FHIP2A: variants seen among roughly 807,000 people sequenced by gnomAD.
FHIP2A encodes FHF complex subunit HOOK interacting protein 2A, also known as family with sequence similarity 160 member B1.
FHIP2A carries 46 observed loss-of-function variants against 93.5 expected under a neutral mutation model. That is an observed-to-expected ratio of 0.49 (90% CI 0.39 to 0.63). The LOEUF (loss-of-function observed/expected upper bound fraction) is 0.63. Ranked by LOEUF, FHIP2A falls within the 20% of genes least tolerant of loss-of-function variation. The pLI, the probability that FHIP2A is intolerant of heterozygous loss-of-function variation, is 0.00. For synonymous variants in FHIP2A, 332 were observed against 326.5 expected, an observed-to-expected ratio of 1.02 and a Z score of -0.18; for missense variants, 769 against 909.7, an observed-to-expected ratio of 0.85 and a Z score of 1.99.
At chr10:114,833,562 A>C (rs1402899061) in intron 3 of FHIP2A, 160 bp downstream of exon 3, 3 of 636,596 alleles carry the variant, frequency 4.7e-6, no homozygotes, top group African/African-American at 1.9e-5. Context: ...GCCTATACAA[A>C]TATGTCCATA....
At chr10:114,878,771 G>A (rs1250632535) in intron 16 of FHIP2A, among the ~76,000 whole-genome samples, 1 of 88,452 alleles carries the variant, frequency 1.1e-5, no homozygotes, top group Non-Finnish European at 2.7e-5. Context: ...CAGAGACTTC[G>A]CCTCAAAAAA....
intron 16 of FHIP2A, among the ~76,000 whole-genome samples, chr10:114,870,382 A>AATATAT (rs34935019): frequency 6.7e-6 from 1 of 150,310 alleles, no homozygotes; most frequent in Non-Finnish European, 1.5e-5. Context: ...TTTTAAATAA[A>AATATAT]ATATATATAT....
At chr10:114,899,378 T>C in intron 16 of FHIP2A, 1 of 673,658 alleles carries the variant, frequency 1.5e-6, no homozygotes, top group Non-Finnish European at 2.7e-6. Flanking sequence ...GTTTACATAG[T>C]TGAAAGTCCA....
chr10:114,836,544 T>TA (rs1240114297), intron 5 of FHIP2A, among the ~76,000 whole-genome samples: 3 of 152,236 alleles, frequency 2.0e-5, no homozygotes, highest in Non-Finnish European at 4.4e-5. Context: ...CAGAAGTTGA[T>TA]ATGCTATCAT....
At chr10:114,826,092 ATTC>A (rs1358384887) in intron 1 of FHIP2A, among the ~76,000 whole-genome samples, 1 of 152,206 alleles carries the variant, frequency 6.6e-6, no homozygotes, top group African/African-American at 2.4e-5. Flanking sequence ...TCTCAGGCAT[ATTC>A]TTTTCCAACA....
At chr10:114,869,485 G>A (rs2083846495), downstream of FHIP2A, among the ~76,000 whole-genome samples, 1 of 152,070 alleles carries the variant, frequency 6.6e-6, no homozygotes, top group Non-Finnish European at 1.5e-5. Context: ...TTAGAAAATA[G>A]ACCATCATTT....
intron 13 of FHIP2A, among the ~76,000 whole-genome samples, chr10:114,849,675 A>T (rs958002002): frequency 1.3e-5 from 2 of 152,214 alleles, no homozygotes; most frequent in Non-Finnish European, 2.9e-5. Context: ...GTATATTCAC[A>T]ATGTTATGCA....
chr10:114,829,532 A>G (rs1414906621), intron 1 of FHIP2A, among the ~76,000 whole-genome samples: 2 of 152,232 alleles, frequency 1.3e-5, no homozygotes, highest in Admixed American at 6.5e-5. Flanking sequence ...TTTTGTGACC[A>G]TCTTGGTTTT....
chr10:114,855,220 C>T lies in FHIP2A; in HGVS notation c.1827C>T (p.Cys609=), dbSNP rs530076998. The T allele has an allele frequency of 1.2e-5, 20 of 1,613,906 alleles. No individual in the cohort carries two copies. The Admixed American group carries it at 2.0e-4, about 16-fold the overall frequency. Residue 609 remains cysteine (C), a synonymous_variant, in exon 14 of 17, where the codon TGC becomes TGT. Coordinates refer to ENST00000369248, the MANE Select transcript of FHIP2A (RefSeq NM_020940.4). ...HRQFRDYCAI[C]LRWEWPGSPK... ...AGTTCCGAGACTACTGTGCTATCTG[C>T]TTAAGATGGGAGTGGCCTGGGTCTC... is the stretch of plus-strand genomic sequence containing the variant.
At chr10:114,829,510 A>G (rs2083595964) in intron 1 of FHIP2A, among the ~76,000 whole-genome samples, 1 of 152,238 alleles carries the variant, frequency 6.6e-6, no homozygotes, top group Non-Finnish European at 1.5e-5. Context: ...AGTAAAGATA[A>G]CTGGAGGTCA....
downstream of FHIP2A, among the ~76,000 whole-genome samples, chr10:114,865,900 T>C (rs1351582240): frequency 6.6e-6 from 1 of 152,140 alleles, no homozygotes; most frequent in East Asian, 1.9e-4. Context: ...GTTTTATAGT[T>C]GTTCTTATGG....
chr10:114,891,640 G>A (rs2083975601), intron 16 of FHIP2A, among the ~76,000 whole-genome samples: 1 of 149,322 alleles, frequency 6.7e-6, no homozygotes, highest in African/African-American at 2.5e-5. Context: ...TTTTTGAGGT[G>A]GAGGCTTGAT....
chr10:114,843,845 A>AT lies in FHIP2A; in HGVS notation c.921_922insT (p.Leu308SerfsTer23). 6.2e-7 allele frequency: 1 copy of AT among 1,612,020 alleles called. No individual in the cohort carries two copies. Among genetic ancestry groups the AT allele is most frequent in the Non-Finnish European group, 8.5e-7 (1 of 1,179,628 alleles). ...TTACACAGAGCACTTGCTTGTGTGA[A>AT]CTACTGACAGACAGACTTGCCTCCC... On this transcript the variant is annotated frameshift_variant, in exon 7 of 17. Coordinates refer to ENST00000369248, the MANE Select transcript of FHIP2A (RefSeq NM_020940.4). LOFTEE classifies it high-confidence loss of function.
At chr10:114,898,745 TG>T (rs1156853277) in intron 16 of FHIP2A, among the ~76,000 whole-genome samples, 1 of 152,192 alleles carries the variant, frequency 6.6e-6, no homozygotes. Context: ...AAAATGATAT[TG>T]ATTTTGAGTA....
At chr10:114,893,740 A>AT (rs375080394) in intron 16 of FHIP2A, among the ~76,000 whole-genome samples, 3 of 152,036 alleles carry the variant, frequency 2.0e-5, no homozygotes, top group African/African-American at 7.2e-5. Flanking sequence ...GTGTGTATGT[A>AT]TATACACACT....
chr10:114,896,304 C>A (rs138813275), intron 16 of FHIP2A, among the ~76,000 whole-genome samples: 19 of 151,702 alleles, frequency 1.3e-4, no homozygotes, highest in African/African-American at 3.9e-4. Context: ...TCATTTCACC[C>A]GATAAAGAAC....
At chr10:114,892,159 A>G (rs891596229) in intron 16 of FHIP2A, among the ~76,000 whole-genome samples, 2 of 152,216 alleles carry the variant, frequency 1.3e-5, no homozygotes, top group Admixed American at 6.5e-5. Flanking sequence ...AAAGTATTTC[A>G]TAGGGTGAAG....
chr10:114,881,730 C>T (rs1394432053), intron 16 of FHIP2A, among the ~76,000 whole-genome samples: 1 of 152,158 alleles, frequency 6.6e-6, no homozygotes, highest in African/African-American at 2.4e-5. Context: ...GGGAGATCTA[C>T]ACATTTCAAG....
At chr10:114,879,126 G>C (rs1294986772) in intron 16 of FHIP2A, among the ~76,000 whole-genome samples, 3 of 152,228 alleles carry the variant, frequency 2.0e-5, no homozygotes, top group Non-Finnish European at 4.4e-5. Context: ...CTGAGGCTGA[G>C]AGAAGTAAAG....
Sources: gnomAD v4.1 joint callset for allele counts (sites outside exome capture counted in the v4.1 genomes callset) on GRCh38, gnomAD v4.1.1 for gene constraint, MANE v1.5 for transcripts, NCBI Gene and HGNC (gene_info 2026-07-23, HGNC 2026-07-21) for gene names.